Variants in IDO2 observed in about 807,000 individuals in gnomAD.
The protein encoded by IDO2 is indoleamine 2,3-dioxygenase-like 1 protein.
Under a neutral mutation model 45.1 loss-of-function variants are expected in IDO2, and 46 were observed. That is an observed-to-expected ratio of 1.02 (90% CI 0.80 to 1.30). The LOEUF is 1.30. Ranked by LOEUF, IDO2 falls within the 50% of genes most tolerant of loss-of-function variation. The probability of loss-of-function intolerance (pLI) is 0.00; values close to 1 mark genes in which losing one functional copy is unlikely to be tolerated. For synonymous variants in IDO2, 218 were observed against 184.9 expected, an observed-to-expected ratio of 1.18 and a Z score of -1.45; for missense variants, 544 against 491.8, an observed-to-expected ratio of 1.11 and a Z score of -1.00.
intron 8 of IDO2, among the ~76,000 whole-genome samples, chr8:40,000,705 A>G (rs755359660): frequency 1.3e-5 from 2 of 152,196 alleles, no homozygotes; most frequent in African/African-American, 2.4e-5. Context: ...CTACAAGTTT[A>G]CATATTTCAG....
intron 8 of IDO2, among the ~76,000 whole-genome samples, chr8:40,004,318 A>C (rs940769515): frequency 1.3e-5 from 2 of 152,184 alleles, no homozygotes; most frequent in African/African-American, 4.8e-5. Context: ...AATAGGATCA[A>C]AGACTACGTA....
intron 1 of IDO2, among the ~76,000 whole-genome samples, chr8:39,944,637 C>G (rs1037810222): frequency 6.6e-6 from 1 of 152,120 alleles, no homozygotes; most frequent in Admixed American, 6.6e-5. Context: ...CCCAAAGCCC[C>G]GAGTCTATCA....
intron 1 of IDO2, among the ~76,000 whole-genome samples, chr8:39,942,906 T>C (rs1807667116): frequency 6.6e-6 from 1 of 152,080 alleles, no homozygotes; most frequent in Admixed American, 6.6e-5. Context: ...AAAAACCACA[T>C]GACTAACATA....
At chr8:40,000,850 TTAG>T (rs1450336443) in intron 8 of IDO2, among the ~76,000 whole-genome samples, 3 of 152,202 alleles carry the variant, frequency 2.0e-5, no homozygotes, top group African/African-American at 7.2e-5. Context: ...CCCATCACAT[TTAG>T]TTTTGTCAAC....
chr8:39,972,255 G>A (rs556075424), intron 3 of IDO2, among the ~76,000 whole-genome samples: 1 of 152,294 alleles, frequency 6.6e-6, no homozygotes, highest in East Asian at 1.9e-4. Context: ...AAAAAAATTA[G>A]AATGTTCCAT....
intron 3 of IDO2, among the ~76,000 whole-genome samples, chr8:39,965,517 T>G (rs1397641095): frequency 6.6e-6 from 1 of 151,600 alleles, no homozygotes; most frequent in Admixed American, 6.6e-5. Context: ...CAAACAAATA[T>G]ATATATATTA....
chr8:39,993,897 C>T (rs1172057750), intron 8 of IDO2, among the ~76,000 whole-genome samples: 3 of 152,058 alleles, frequency 2.0e-5, no homozygotes, highest in Non-Finnish European at 2.9e-5. Context: ...ATCCCAGCTA[C>T]TCAGGAGGCT....
chr8:39,946,864 T>G (rs1464737861), intron 1 of IDO2, among the ~76,000 whole-genome samples: 2 of 151,864 alleles, frequency 1.3e-5, no homozygotes, highest in Non-Finnish European at 1.5e-5. Context: ...AGTTGTTTGG[T>G]AGGAGAGGGT....
chr8:40,000,315 C>T (rs1227827126), intron 8 of IDO2, among the ~76,000 whole-genome samples: 6 of 151,606 alleles, frequency 4.0e-5, no homozygotes, highest in Admixed American at 3.9e-4. Context: ...GAAGCTGAGG[C>T]AGGAGAATCG....
exon 9 of IDO2, chr8:40,005,343 C>T: frequency 6.3e-7 from 1 of 1,580,580 alleles, no homozygotes; most frequent in East Asian, 2.2e-5. Context: ...TAGATCCAGA[C>T]ATATTTTATG....
chr8:39,954,902 G>A (rs537436868), intron 2 of IDO2, among the ~76,000 whole-genome samples: 2 of 151,286 alleles, frequency 1.3e-5, no homozygotes, highest in Non-Finnish European at 2.9e-5. Flanking sequence ...AGTGATCCGC[G>A]CACCTCGGCC....
chr8:39,939,122 G>A (rs1444401600), intron 1 of IDO2, among the ~76,000 whole-genome samples: 5 of 151,794 alleles, frequency 3.3e-5, no homozygotes, highest in African/African-American at 9.7e-5. Context: ...TGTGGTGGCG[G>A]GCGCCTGCTA....
At chr8:39,940,216 C>T (rs11779697) in intron 1 of IDO2, among the ~76,000 whole-genome samples, 64,165 of 152,048 alleles carry the variant, frequency 0.42, 13,746 homozygotes, top group East Asian at 0.59. Context: ...AGTAAAGCAG[C>T]GTGACCGAAA....
At chr8:39,975,768 C>T (rs1042875926) in intron 3 of IDO2, among the ~76,000 whole-genome samples, 3 of 151,998 alleles carry the variant, frequency 2.0e-5, no homozygotes, top group Admixed American at 2.0e-4. Context: ...TATATAAATA[C>T]CTTAGAGCTT....
At chr8:39,981,715 A>G (rs1414101753) in intron 4 of IDO2, among the ~76,000 whole-genome samples, 1 of 152,212 alleles carries the variant, frequency 6.6e-6, no homozygotes, top group Non-Finnish European at 1.5e-5. Context: ...CACCCGAGAA[A>G]AAATTCAAGG....
chr8:40,012,116 G>A (rs1802318576), intron 9 of IDO2, among the ~76,000 whole-genome samples: 2 of 152,140 alleles, frequency 1.3e-5, no homozygotes, highest in Admixed American at 1.3e-4. Flanking sequence ...ATCATGAACA[G>A]CAAACACAGC....
At chr8:40,000,381 G>A (rs1187433590) in intron 8 of IDO2, among the ~76,000 whole-genome samples, 1 of 151,648 alleles carries the variant, frequency 6.6e-6, no homozygotes. Flanking sequence ...CTGCACTCCA[G>A]TGTGGCAACA....
intron 3 of IDO2, among the ~76,000 whole-genome samples, chr8:39,966,390 C>G (rs1808086284): frequency 6.6e-6 from 1 of 152,128 alleles, no homozygotes; most frequent in African/African-American, 2.4e-5. Context: ...TTAGACTTTA[C>G]CACCAAAGGC....
At chr8:39,980,473 C>T (rs1380798860) in intron 4 of IDO2, among the ~76,000 whole-genome samples, 1 of 152,072 alleles carries the variant, frequency 6.6e-6, no homozygotes, top group African/African-American at 2.4e-5. Context: ...TGAATCATTG[C>T]ATAACTTTGT....
Sources: allele counts gnomAD v4.1 joint callset (sites outside exome capture counted in the v4.1 genomes callset), GRCh38; gene constraint gnomAD v4.1.1; transcripts MANE v1.5; gene names NCBI Gene and HGNC (gene_info 2026-07-23, HGNC 2026-07-21).